The following PLEKHD1 variants were observed in gnomAD, a reference collection of about 807,000 sequenced individuals.
The protein encoded by PLEKHD1 is pleckstrin homology and coiled-coil domain containing D1, also known as pleckstrin homology domain-containing family D member 1.
In PLEKHD1, 51 loss-of-function variants were observed where a neutral mutation model predicts 69.2. That is an observed-to-expected ratio of 0.74 (90% CI 0.59 to 0.93). The LOEUF (loss-of-function observed/expected upper bound fraction) is 0.93, where lower values mean the gene tolerates loss of function less well. Ranked by LOEUF, PLEKHD1 falls within the 40% of genes least tolerant of loss-of-function variation. The pLI is 0.00. For synonymous variants in PLEKHD1, 236 were observed against 244.7 expected, an observed-to-expected ratio of 0.96 and a Z score of 0.33; for missense variants, 584 against 641.0, an observed-to-expected ratio of 0.91 and a Z score of 0.96.
chr14:69,500,220 C>G lies in PLEKHD1; in HGVS notation c.243+12C>G. On this transcript the variant is annotated intron_variant, in intron 2 of 12. Coordinates refer to ENST00000322564, the MANE Select transcript of PLEKHD1 (RefSeq NM_001161498.2). ...ATATACATCCTAAGGTGAGGCGGCC[C>G]CTCCCAGGGCCACAGCAGGGGAGGG... The G allele has an allele frequency of 1.3e-6, 2 of 1,525,022 alleles. No individual in the cohort carries two copies. The highest frequency in any genetic ancestry group is 2.4e-5 in the South Asian group (2 of 83,426). 94.5% of individuals were successfully genotyped at this position (1,525,022 alleles called of 1,614,324 possible).
rs748233551 is a variant in PLEKHD1, at chr14:69,500,666, T to C, written c.333T>C (p.His111=). 1.9e-6 allele frequency: 3 copies of C among 1,551,122 alleles called. No individual in the cohort carries two copies. Residue 111 remains histidine, a splice_region_variant and synonymous_variant, in exon 3 of 13, where the codon CAT becomes CAC. Coordinates refer to ENST00000322564, the MANE Select transcript of PLEKHD1 (RefSeq NM_001161498.2). ...YAMKISHQDF[H]GNILLAAESE... ...TGAAGATCTCCCACCAGGACTTCCATGTGAGTAAAGCTCTTCCCTCAGCCT... is the reference window on the plus strand; with the variant it reads ...TGAAGATCTCCCACCAGGACTTCCACGTGAGTAAAGCTCTTCCCTCAGCCT...
rs1285070991 is a variant in PLEKHD1 at position 69,530,149 on chromosome 14, G to A, written c.*1730G>A. On this transcript the variant is annotated 3_prime_UTR_variant, in exon 13 of 13. Coordinates refer to ENST00000322564, the MANE Select transcript of PLEKHD1 (RefSeq NM_001161498.2). ...GAGCCCACAACCTATTCTGTGGGAAGAGGAGCATTGTTGCCTCTAAGAACA... is the reference window on the plus strand; with the variant it reads ...GAGCCCACAACCTATTCTGTGGGAAAAGGAGCATTGTTGCCTCTAAGAACA... The A allele has an allele frequency of 1.3e-5, 2 of 152,276 alleles. No homozygotes were observed. The highest frequency in any genetic ancestry group is 6.5e-5 in the Admixed American group (1 of 15,292). The allele number at this position is 152,276 out of a possible 1,614,324, so 9.4% of individuals were successfully genotyped here.
intron 6 of PLEKHD1, among the ~76,000 whole-genome samples, chr14:69,510,205 A>G (rs1315630899): frequency 6.6e-6 from 1 of 152,198 alleles, no homozygotes; most frequent in Non-Finnish European, 1.5e-5. Context: ...TGTAAACTTT[A>G]GAATCAATTT....
intron 6 of PLEKHD1, among the ~76,000 whole-genome samples, chr14:69,507,749 G>A (rs1019167831): frequency 5.9e-5 from 9 of 152,150 alleles, no homozygotes; most frequent in African/African-American, 2.2e-4. Flanking sequence ...GTCTTGCTCT[G>A]TTGCCCAGAC....
At chr14:69,491,732 C>G (rs1347145761) in intron 1 of PLEKHD1, among the ~76,000 whole-genome samples, 1 of 152,116 alleles carries the variant, frequency 6.6e-6, no homozygotes, top group African/African-American at 2.4e-5. Context: ...TGGTTGAGCC[C>G]TTGTTGCATT....
chr14:69,500,718 T>G lies in PLEKHD1; in HGVS notation c.333+52T>G. On this transcript the variant is annotated intron_variant, in intron 3 of 12. Transcript: ENST00000322564. ...GGCTCCGCAGGAGCAGACCAGCCTCTCAGGCCTCTTCAGGACACACATCCC... is the reference window on the plus strand; with the variant it reads ...GGCTCCGCAGGAGCAGACCAGCCTCGCAGGCCTCTTCAGGACACACATCCC... 6.5e-6 allele frequency: 10 copies of G among 1,534,476 alleles called. No homozygotes were observed. In the South Asian group the frequency reaches 1.2e-4, roughly 18 times the overall value.
upstream of PLEKHD1, among the ~76,000 whole-genome samples, chr14:69,479,768 C>T (rs1251921420): frequency 6.6e-6 from 1 of 152,152 alleles, no homozygotes; most frequent in Admixed American, 6.5e-5. Context: ...CAGCTGGTGG[C>T]AGAGCCTGGA....
intron 1 of PLEKHD1, among the ~76,000 whole-genome samples, chr14:69,499,029 C>T (rs900720317): frequency 1.3e-5 from 2 of 152,156 alleles, no homozygotes; most frequent in East Asian, 3.9e-4. Flanking sequence ...ACACTAGGCT[C>T]TTGGGGGAGG....
chr14:69,524,521 T>A (rs1883596068), intron 8 of PLEKHD1, among the ~76,000 whole-genome samples, 199 bp downstream of exon 8: 1 of 152,122 alleles, frequency 6.6e-6, no homozygotes, highest in African/African-American at 2.4e-5. Context: ...GCAAGAAGTG[T>A]CTGTTCTCAG....
At chr14:69,477,401 C>A in the PLEKHD1 span, among the ~76,000 whole-genome samples, 4 of 152,140 alleles carry the variant, frequency 2.6e-5, no homozygotes, top group African/African-American at 9.7e-5. Context: ...CTGCCCCTGG[C>A]CCCTCCCAAA....
In PLEKHD1 at chr14:69,518,042, GT is replaced by G. The variant is rs375004973; in HGVS notation, c.556-4238del. Among the ~76,000 whole-genome samples, 34 of 102,262 alleles carry G rather than the reference GT, an allele frequency of 3.3e-4. No homozygotes were observed. The East Asian group carries it at 7.8e-3, about 23-fold the overall frequency. The allele number at this position is 102,262 out of a possible 152,430, so 67.1% of individuals were successfully genotyped here. ...TATTTATTTATTTATTTGTTTGTTT[GT>G]TTGTTTGAGACAGGGCATCACTTTG... On this transcript the variant is annotated intron_variant, in intron 6 of 12. Transcript: ENST00000322564.
chr14:69,503,206 CCT>C, intron 6 of PLEKHD1: 1 of 362,116 alleles, frequency 2.8e-6, no homozygotes, highest in Non-Finnish European at 5.3e-6. Context: ...GCTATAATGC[CCT>C]CTGTTATCCA....
At chr14:69,521,665 T>A (rs912123001) in intron 6 of PLEKHD1, among the ~76,000 whole-genome samples, 3 of 152,148 alleles carry the variant, frequency 2.0e-5, no homozygotes, top group Admixed American at 1.3e-4. Context: ...GGGAAAACAC[T>A]TGGGCTTCCT....
At chr14:69,522,509 C>T in intron 7 of PLEKHD1, 132 bp downstream of exon 7, 1 of 922,396 alleles carries the variant, frequency 1.1e-6, no homozygotes, top group Non-Finnish European at 1.6e-6. Flanking sequence ...GGGTCTATCC[C>T]AGTTTGAGTC....
chr14:69,495,009 C>T (rs1372753346), intron 1 of PLEKHD1, among the ~76,000 whole-genome samples: 1 of 152,174 alleles, frequency 6.6e-6, no homozygotes, highest in Non-Finnish European at 1.5e-5. Context: ...ACCCCCATCT[C>T]CACCCAAGCC....
rs1188413235 is a variant in PLEKHD1, at chr14:69,528,838, C to G, written c.*419C>G. The G allele has an allele frequency of 5.7e-6, 1 of 174,478 alleles. No homozygotes were observed. The highest frequency in any genetic ancestry group is 1.2e-5 in the Non-Finnish European group (1 of 82,608). 10.8% of individuals were successfully genotyped at this position (174,478 alleles called of 1,614,324 possible). On this transcript the variant is annotated 3_prime_UTR_variant, in exon 13 of 13. Transcript: ENST00000322564. ...CTGGACCTCTCTGGGACTCTGCTGC[C>G]CTGCCCGTGGTCCTCATGTAGAAAG... is the stretch of plus-strand genomic sequence containing the variant.
At chr14:69,495,909 C>T (rs919675885) in intron 1 of PLEKHD1, among the ~76,000 whole-genome samples, 7 of 152,204 alleles carry the variant, frequency 4.6e-5, no homozygotes, top group South Asian at 2.1e-4. Context: ...CTCATTTATT[C>T]GTCATCCGAC....
chr14:69,480,219 A>G (rs1882518454), upstream of PLEKHD1, among the ~76,000 whole-genome samples: 2 of 152,178 alleles, frequency 1.3e-5, no homozygotes, highest in African/African-American at 2.4e-5. Flanking sequence ...TGGTGGAAGG[A>G]GGCTTGGAGG....
chr14:69,526,457 T>C (rs1883649974), intron 9 of PLEKHD1, among the ~76,000 whole-genome samples: 1 of 151,970 alleles, frequency 6.6e-6, no homozygotes, highest in African/African-American at 2.4e-5. Context: ...TTTTCTGAGG[T>C]CACAGAACAA....
Sources: allele counts gnomAD v4.1 joint callset (sites outside exome capture counted in the v4.1 genomes callset), GRCh38; gene constraint gnomAD v4.1.1; transcripts MANE v1.5; gene names NCBI Gene and HGNC (gene_info 2026-07-23, HGNC 2026-07-21).